Variants in COPZ2 observed in about 807,000 individuals in gnomAD.
COPZ2 encodes the protein coat protein complex I subunit zeta 2.
Under a neutral mutation model 33.2 loss-of-function variants are expected in COPZ2, and 30 were observed. The ratio of observed to expected loss-of-function variants is 0.90; its 90% confidence interval spans 0.68 to 1.23. The LOEUF is 1.23. Among genes scored for constraint, COPZ2 ranks in the 50% most tolerant of loss-of-function variants. COPZ2 has a pLI of 0.00. For missense variants in COPZ2, 263 were observed against 262.4 expected, an observed-to-expected ratio of 1.00 and a Z score of -0.02; for synonymous variants, 89 against 102.6, an observed-to-expected ratio of 0.87 and a Z score of 0.80.
upstream of COPZ2, among the ~76,000 whole-genome samples, chr17:48,042,776 A>G (rs145591674): frequency 6.6e-6 from 1 of 152,258 alleles, no homozygotes; most frequent in East Asian, 1.9e-4. Context: ...AAATCTCTTT[A>G]CATCTTAGTT....
At chr17:48,034,918 G>A (rs546382253) in intron 2 of COPZ2, among the ~76,000 whole-genome samples, 17 of 152,242 alleles carry the variant, frequency 1.1e-4, no homozygotes, top group Admixed American at 9.8e-4. Context: ...CCCGGGAGGC[G>A]GAGGTTGCAG....
upstream of COPZ2, among the ~76,000 whole-genome samples, chr17:48,041,147 C>CAAAAAAAA (rs10532613): frequency 9.7e-6 from 1 of 103,014 alleles, no homozygotes; most frequent in Non-Finnish European, 2.0e-5. Context: ...ACTCTATCTC[C>CAAAAAAAA]AAAAAAAAAA....
Position 48,028,741 on chromosome 17 carries a change from A to G in COPZ2, c.547-231T>C, listed in dbSNP as rs2036850606. 6.6e-6 allele frequency among the ~76,000 whole-genome samples: 1 copy of G among 152,116 alleles called. No homozygotes were observed. The highest frequency in any genetic ancestry group is 6.6e-5 in the Admixed American group (1 of 15,266). ...AGGGTGAGGGAAGATGGGAAGAAAG[A>G]TGGGAAGAAAGGTTTCATCCAGACA... On this transcript the variant is annotated intron_variant, in intron 7 of 8. Transcript: ENST00000621465. The surrounding 1 kb of genome is among the most constrained non-coding windows in gnomAD (Gnocchi z 4.5).
rs778982218 is a variant in COPZ2, at chr17:48,028,460, A to T, written c.585+12T>A. The stretch of plus-strand genomic sequence containing the variant: ...GACCATTTCTAGCCAAGGCAGATGC[A>T]GGGGGGCCTACCTGGGCCACACTCT... On this transcript the variant is annotated intron_variant, in intron 8 of 8. Transcript: ENST00000621465. This position sits in a 1 kb window ranked among gnomAD's most constrained non-coding sequence, Gnocchi z 4.5. 1 of 1,607,960 alleles carries T rather than the reference A, an allele frequency of 6.2e-7. No homozygotes were observed. The highest frequency in any genetic ancestry group is 8.5e-7 in the Non-Finnish European group (1 of 1,177,256).
chr17:48,026,543 G>C lies in COPZ2; in HGVS notation c.586-68C>G, dbSNP rs1272048004. ...AAATGCCTCCATACACAGTCATGGG[G>C]AGGTCCACAGCCCACCTTGCCGAAG... On this transcript the variant is annotated intron_variant, in intron 8 of 8. Transcript: ENST00000621465. The C allele has an allele frequency of 2.5e-6, 3 of 1,195,436 alleles. No homozygotes were observed. In the African/African-American group the frequency reaches 4.5e-5, roughly 18 times the overall value. 74.1% of individuals were successfully genotyped at this position (1,195,436 alleles called of 1,614,324 possible). A position where few individuals can be genotyped will look rare whatever the true frequency, so the allele number is the denominator to read the frequency against.
At chr17:48,027,281 G>A (rs1598255315) in intron 8 of COPZ2, among the ~76,000 whole-genome samples, 1 of 152,204 alleles carries the variant, frequency 6.6e-6, no homozygotes, top group Non-Finnish European at 1.5e-5. Flanking sequence ...AAAATGCTAT[G>A]TTTTCATTCT....
chr17:48,030,082 G>A (rs1482915263), intron 6 of COPZ2, among the ~76,000 whole-genome samples: 3 of 151,236 alleles, frequency 2.0e-5, no homozygotes, highest in South Asian at 4.2e-4. Context: ...TGAAGAGTTC[G>A]AGACCAGCCT....
rs919619082 is a variant in COPZ2, at chr17:48,028,089, T to C, written c.585+383A>G. On this transcript the variant is annotated intron_variant, in intron 8 of 8. Transcript: ENST00000621465. This position sits in a 1 kb window ranked among gnomAD's most constrained non-coding sequence, Gnocchi z 4.5. ...CAGGGGTTAAGAGCCAAACTCCTATTTGGTACCCTTTCCAGGTTTCGGTAG... is the reference window on the plus strand; with the variant it reads ...CAGGGGTTAAGAGCCAAACTCCTATCTGGTACCCTTTCCAGGTTTCGGTAG... 1.1e-4 allele frequency among the ~76,000 whole-genome samples: 16 copies of C among 152,174 alleles called. No homozygotes were observed. Among genetic ancestry groups the C allele is most frequent in the Non-Finnish European group, 1.5e-4 (10 of 68,016 alleles).
chr17:48,037,133 G>C lies in COPZ2; in HGVS notation c.112-208C>G. 5 of 768,070 alleles carry C rather than the reference G, an allele frequency of 6.5e-6. No individual in the cohort carries two copies. Among genetic ancestry groups the C allele is most frequent in the Non-Finnish European group, 7.3e-6 (3 of 411,334 alleles). The allele number at this position is 768,070 out of a possible 1,614,324, so 47.6% of individuals were successfully genotyped here. A position where few individuals can be genotyped will look rare whatever the true frequency, so the allele number is the denominator to read the frequency against. ...GCAGATGTTCCACTGCAGGCCCCGA[G>C]TGGGCGCTGTGCCCGTTGGGTGCAG... On this transcript the variant is annotated intron_variant, in intron 1 of 8. Transcript: ENST00000621465. The surrounding 1 kb of genome is among the most constrained non-coding windows in gnomAD (Gnocchi z 5.6).
the COPZ2 span, among the ~76,000 whole-genome samples, chr17:48,044,012 G>A: frequency 1.3e-5 from 2 of 152,208 alleles, no homozygotes; most frequent in African/African-American, 2.4e-5. Context: ...CATTGTAGAG[G>A]TGAAGAAAGA....
chr17:48,030,256 C>T (rs948153314), intron 6 of COPZ2, among the ~76,000 whole-genome samples: 3 of 150,272 alleles, frequency 2.0e-5, no homozygotes, highest in Non-Finnish European at 4.4e-5. Context: ...CACTGCACTC[C>T]AGCCTGGGCG....
chr17:48,040,210 G>GTAT (rs1424467585), upstream of COPZ2, among the ~76,000 whole-genome samples: 1 of 149,158 alleles, frequency 6.7e-6, no homozygotes, highest in Non-Finnish European at 1.5e-5. Flanking sequence ...TAGGTGGGAC[G>GTAT]ATACACACGT....
Position 48,028,169 on chromosome 17 carries a change from C to A in COPZ2, c.585+303G>T, listed in dbSNP as rs1418817412. On this transcript the variant is annotated intron_variant, in intron 8 of 8. Coordinates refer to ENST00000621465, the MANE Select transcript of COPZ2 (RefSeq NM_016429.4). The surrounding 1 kb of genome is among the most constrained non-coding windows in gnomAD (Gnocchi z 4.5). ...TTTTTGGGGTGCACAAGTGACCCAG[C>A]CATCTCCAAGGTAGGCAGCTCATCC... 6.6e-6 allele frequency among the ~76,000 whole-genome samples: 1 copy of A among 152,174 alleles called. No individual in the cohort carries two copies. Among genetic ancestry groups the A allele is most frequent in the African/African-American group, 2.4e-5 (1 of 41,430 alleles).
the COPZ2 span, chr17:48,045,524 G>C: frequency 5.9e-5 from 9 of 152,140 alleles, no homozygotes; most frequent in Non-Finnish European, 1.2e-4. Flanking sequence ...TTCCTGGGGT[G>C]GGGGTGGGGA....
At chr17:48,030,289 A>AATAC (rs1175168287) in intron 6 of COPZ2, among the ~76,000 whole-genome samples, 1 of 128,308 alleles carries the variant, frequency 7.8e-6, no homozygotes, top group Non-Finnish European at 1.8e-5. Context: ...TCCATCTCAA[A>AATAC]ACACACACAC....
At chr17:48,035,241 T>C (rs978453685) in intron 2 of COPZ2, among the ~76,000 whole-genome samples, 4 of 152,260 alleles carry the variant, frequency 2.6e-5, no homozygotes, top group Non-Finnish European at 2.9e-5. Flanking sequence ...TCTGACCATC[T>C]GCTGGGGCAA....
upstream of COPZ2, among the ~76,000 whole-genome samples, chr17:48,040,730 C>T (rs2037053770): frequency 6.6e-6 from 1 of 151,480 alleles, no homozygotes; most frequent in Non-Finnish European, 1.5e-5. Flanking sequence ...TGCACCTGGC[C>T]GATGACAGAT....
chr17:48,035,715 C>T (rs1030860325), intron 2 of COPZ2, among the ~76,000 whole-genome samples: 5 of 151,790 alleles, frequency 3.3e-5, no homozygotes, highest in African/African-American at 4.8e-5. Context: ...TCAGCCACTG[C>T]GCCTGGCCTT....
chr17:48,039,482 A>AAAG (rs1215259537), upstream of COPZ2, among the ~76,000 whole-genome samples: 375 of 151,296 alleles, frequency 2.5e-3, 1 homozygote, highest in African/African-American at 8.5e-3. Flanking sequence ...AAAAAAAAAA[A>AAAG]AAGAAGAAGA....
Sources: allele counts gnomAD v4.1 joint callset (sites outside exome capture counted in the v4.1 genomes callset), GRCh38; gene constraint gnomAD v4.1.1; non-coding constraint Gnocchi (gnomAD v3.1); transcripts MANE v1.5; gene names NCBI Gene and HGNC (gene_info 2026-07-23, HGNC 2026-07-21).